Variants in CACNA1C observed in about 807,000 individuals in gnomAD.
CACNA1C encodes the protein calcium voltage-gated channel subunit alpha1 C, also known as voltage-dependent L-type calcium channel subunit alpha-1C.
A neutral mutation model predicts 229.0 loss-of-function variants in CACNA1C; 30 were observed. The ratio of observed to expected loss-of-function variants is 0.13; its 90% CI spans 0.10 to 0.18. The LOEUF is 0.18. Ranked by LOEUF, CACNA1C falls within the 10% of genes least tolerant of loss-of-function variation. The pLI is 1.00. For synonymous variants in CACNA1C, 1,114 were observed against 1,132.5 expected (o/e 0.98, Z 0.33); for missense variants, 1,658 against 2,845.0 (o/e 0.58, Z 9.49).
In CACNA1C at chr12:2,354,717, A is replaced by G. The variant is rs1444128387; in HGVS notation, c.478-94259A>G. On this transcript the variant is annotated intron_variant, in intron 3 of 46. Coordinates refer to ENST00000399655, the MANE Select transcript of CACNA1C (RefSeq NM_000719.7). The surrounding 1 kb of genome is among the most constrained non-coding windows in gnomAD (Gnocchi z 4.6). ...TTGGCTTTTCTGAGCATGGCAAGAG[A>G]ATCCTGCATGTCACTTGGGCCTGAC... 1.3e-5 allele frequency among the ~76,000 whole-genome samples: 2 copies of G among 152,110 alleles called. No homozygotes were observed. Among genetic ancestry groups the G allele is most frequent in the Admixed American group, 1.3e-4 (2 of 15,274 alleles).
At chr12:2,690,841 G>GC in intron 46 of CACNA1C, 59 bp from the exon 47 acceptor site, 1 of 1,459,108 alleles carries the variant, frequency 6.9e-7, no homozygotes, top group Non-Finnish European at 9.2e-7. Context: ...CAAGGGAAGA[G>GC]CTGGGCTCCA....
intron 3 of CACNA1C, among the ~76,000 whole-genome samples, chr12:2,350,455 G>C (rs1463381582): frequency 2.0e-5 from 3 of 152,202 alleles, no homozygotes; most frequent in Non-Finnish European, 4.4e-5. Context: ...TTTGATTTCA[G>C]CCAGACAGTC....
At chr12:2,365,747 A>G (rs1405822192) in intron 3 of CACNA1C, among the ~76,000 whole-genome samples, 2 of 152,244 alleles carry the variant, frequency 1.3e-5, no homozygotes, top group Non-Finnish European at 2.9e-5. Flanking sequence ...CTAAGAACAT[A>G]TAAATAAAGT....
chr12:2,043,205 A>G (rs2050443461), intron 1 of CACNA1C, among the ~76,000 whole-genome samples: 1 of 152,256 alleles, frequency 6.6e-6, no homozygotes, highest in South Asian at 2.1e-4. Context: ...TCAATGCATC[A>G]GAACTTGGCA....
intron 3 of CACNA1C, among the ~76,000 whole-genome samples, chr12:2,161,570 A>T (rs2095857268): frequency 6.6e-6 from 1 of 152,336 alleles, no homozygotes; most frequent in South Asian, 2.1e-4. Context: ...AAACGAATCT[A>T]GAGGGAATGG....
intron 1 of CACNA1C, among the ~76,000 whole-genome samples, chr12:2,038,456 A>G (rs1466164239): frequency 6.6e-6 from 1 of 152,172 alleles, no homozygotes; most frequent in Non-Finnish European, 1.5e-5. Context: ...GTAAGCCCTC[A>G]TTATTGCTCA....
chr12:2,167,036 G>C (rs529185764), intron 3 of CACNA1C, among the ~76,000 whole-genome samples: 1 of 152,336 alleles, frequency 6.6e-6, no homozygotes, highest in Non-Finnish European at 1.5e-5. Flanking sequence ...GCTTTTATCA[G>C]TCTCAGTTTC....
At chr12:2,541,159 C>T (rs918269390) in intron 9 of CACNA1C, among the ~76,000 whole-genome samples, 2 of 152,146 alleles carry the variant, frequency 1.3e-5, no homozygotes, top group African/African-American at 4.8e-5. Context: ...TCTTTCAAGA[C>T]TCTGTCTCCA....
At chr12:1,994,822 G>A (rs1338456616) in intron 1 of CACNA1C, among the ~76,000 whole-genome samples, 1 of 152,178 alleles carries the variant, frequency 6.6e-6, no homozygotes, top group Middle Eastern at 3.2e-3. Flanking sequence ...AGGCCCAGGG[G>A]ATAAATGTGC....
intron 3 of CACNA1C, among the ~76,000 whole-genome samples, chr12:2,165,573 A>G (rs1052699110): frequency 1.3e-5 from 2 of 151,840 alleles, no homozygotes; most frequent in African/African-American, 4.9e-5. Flanking sequence ...CTTACCAACT[A>G]AAAGAGTGGT....
rs555681170 is a variant in CACNA1C at position 2,514,540 on chromosome 12, A to C, written c.1390+1556A>C. On this transcript the variant is annotated intron_variant, in intron 9 of 46. Transcript: ENST00000399655. ...TGATGGAACTGAGGAGTAGTTGATT[A>C]GTTTGTGGCACTGAGTGGTATGGTA... 1.3e-4 allele frequency among the ~76,000 whole-genome samples: 20 copies of C among 152,306 alleles called. No homozygotes were observed. The South Asian group carries it at 3.1e-3, about 24-fold the overall frequency.
At position 2,597,339 on chromosome 12, in the gene CACNA1C, C is replaced by T. The variant is rs970245496; in HGVS notation, c.2853+50C>T. On this transcript the variant is annotated intron_variant, in intron 21 of 46. Coordinates refer to ENST00000399655, the MANE Select transcript of CACNA1C (RefSeq NM_000719.7). This position sits in a 1 kb window ranked among gnomAD's most constrained non-coding sequence, Gnocchi z 4.3. ...CCTCCTGTCCCCCTTGTGCCAGCAC[C>T]AGGTCTCTGCCGCTGTCTGTCGCTA... 1.3e-6 allele frequency: 2 copies of T among 1,508,228 alleles called. No homozygotes were observed. The highest frequency in any genetic ancestry group is 1.8e-6 in the Non-Finnish European group (2 of 1,083,616). The allele number at this position is 1,508,228 out of a possible 1,614,324, so 93.4% of individuals were successfully genotyped here.
At chr12:2,202,869 T>A (rs141199134) in intron 3 of CACNA1C, among the ~76,000 whole-genome samples, 11 of 152,290 alleles carry the variant, frequency 7.2e-5, no homozygotes, top group African/African-American at 2.6e-4. Context: ...GGAGATGAAG[T>A]TGTCTGTCTG....
intron 30 of CACNA1C, among the ~76,000 whole-genome samples, chr12:2,637,750 T>A (rs943108002): frequency 6.6e-6 from 1 of 152,236 alleles, no homozygotes; most frequent in African/African-American, 2.4e-5. Flanking sequence ...TTCCCAGGTA[T>A]TTTTAGTCAT....
chr12:2,442,453 TGAAGA>T (rs1039451470), intron 3 of CACNA1C, among the ~76,000 whole-genome samples: 3 of 151,712 alleles, frequency 2.0e-5, no homozygotes, highest in African/African-American at 7.3e-5. Context: ...AAAATGGAAT[TGAAGA>T]GAAAGTGGTA....
At chr12:2,239,785 C>G (rs1316064031) in intron 3 of CACNA1C, among the ~76,000 whole-genome samples, 1 of 152,146 alleles carries the variant, frequency 6.6e-6, no homozygotes, top group African/African-American at 2.4e-5. Flanking sequence ...GCCATTGCGC[C>G]CATCTGTTCC....
chr12:2,592,534 C>T (rs541108746), intron 18 of CACNA1C, among the ~76,000 whole-genome samples: 156 of 152,270 alleles, frequency 1.0e-3, no homozygotes, highest in Admixed American at 3.0e-3. Flanking sequence ...CCGTCATGAG[C>T]GTTGTGCTGG....
chr12:2,063,605 G>A (rs2154519178), intron 1 of CACNA1C, among the ~76,000 whole-genome samples: 1 of 152,368 alleles, frequency 6.6e-6, no homozygotes, highest in East Asian at 1.9e-4. Context: ...GCTGTCATTT[G>A]GAGGTGGGAT....
intron 1 of CACNA1C, among the ~76,000 whole-genome samples, chr12:2,070,451 C>G (rs2060781917): frequency 6.6e-6 from 1 of 152,148 alleles, no homozygotes; most frequent in Non-Finnish European, 1.5e-5. Context: ...TTAGTTCTTT[C>G]AGCAATGGTC....
Sources: gnomAD v4.1 joint callset for allele counts (sites outside exome capture counted in the v4.1 genomes callset) on GRCh38, gnomAD v4.1.1 for gene constraint, Gnocchi (gnomAD v3.1) non-coding constraint, MANE v1.5 for transcripts, NCBI Gene and HGNC (gene_info 2026-07-23, HGNC 2026-07-21) for gene names.